Variants in HSF2 observed in about 807,000 individuals in gnomAD.
HSF2 encodes heat shock factor protein 2.
HSF2 carries 21 observed loss-of-function variants against 65.0 expected under a neutral mutation model. The observed-to-expected ratio is 0.32, with a 90% CI of 0.23 to 0.47. HSF2 has a LOEUF of 0.47. HSF2 is among the 20% of genes least tolerant of loss of function. The probability of loss-of-function intolerance (pLI) is 1.00; values close to 1 mark genes in which losing one functional copy is unlikely to be tolerated. For missense variants in HSF2, 499 were observed against 628.1 expected, an observed-to-expected ratio of 0.79 and a Z score of 2.20; for synonymous variants, 225 against 219.1, an observed-to-expected ratio of 1.03 and a Z score of -0.24.
At chr6:122,408,877 T>G (rs572261) in intron 1 of HSF2, among the ~76,000 whole-genome samples, 1 of 149,632 alleles carries the variant, frequency 6.7e-6, no homozygotes, top group Middle Eastern at 3.5e-3. Context: ...CATCAAATGT[T>G]GTCGGGTGAC....
At chr6:122,412,253 G>A in intron 1 of HSF2, 120 bp from the exon 2 acceptor site, 1 of 643,156 alleles carries the variant, frequency 1.6e-6, no homozygotes, top group Non-Finnish European at 2.8e-6. Context: ...TAGAATGTTG[G>A]TCTGAAGACA....
At chr6:122,407,862 T>G (rs1335095074) in intron 1 of HSF2, among the ~76,000 whole-genome samples, 1 of 152,060 alleles carries the variant, frequency 6.6e-6, no homozygotes, top group Admixed American at 6.6e-5. Context: ...GTTCTGGAGG[T>G]GGAGAAGTCC....
intron 6 of HSF2, 94 bp downstream of exon 6, chr6:122,419,323 C>T: frequency 1.7e-6 from 1 of 586,916 alleles, no homozygotes; most frequent in Non-Finnish European, 3.1e-6. Context: ...TGAGTATGTG[C>T]TTGTTGTCCA....
intron 7 of HSF2, among the ~76,000 whole-genome samples, chr6:122,421,144 T>C (rs557817035): frequency 1.2e-4 from 19 of 152,244 alleles, no homozygotes; most frequent in African/African-American, 4.6e-4. Flanking sequence ...ACTAGAATGC[T>C]TTTTACTCCA....
At chr6:122,412,953 A>C (rs1774035971) in intron 3 of HSF2, among the ~76,000 whole-genome samples, 189 bp downstream of exon 3, 1 of 151,920 alleles carries the variant, frequency 6.6e-6, no homozygotes, top group Admixed American at 6.6e-5. Context: ...AAAAAGTTTA[A>C]GTTCCTGCTA....
At chr6:122,407,022 G>T (rs915028273) in intron 1 of HSF2, among the ~76,000 whole-genome samples, 6 of 152,122 alleles carry the variant, frequency 3.9e-5, no homozygotes, top group African/African-American at 1.4e-4. Flanking sequence ...AAAGCCAGGA[G>T]ACTTAATGAA....
chr6:122,399,774 A>C lies in HSF2; in HGVS notation c.37A>C (p.Lys13Gln). The change falls in exon 1 of 13, where the codon AAG (lysine) becomes CAG (glutamine). Residue 13 changes from lysine (K) to glutamine (Q), a missense_variant. Physicochemically the swap from Lys to Gln is moderately conservative, Grantham distance 53 (BLOSUM62 1). Coordinates refer to ENST00000368455, the MANE Select transcript of HSF2 (RefSeq NM_004506.4). ...TTCGAACGTGCCGGCTTTCCTCAGC[A>C]AGCTGTGGACGCTTGTGGAGGAAAC... Reference protein sequence around the residue: ...QSSNVPAFLSKLWTLVEETHT... With the variant: ...QSSNVPAFLSQLWTLVEETHT... 6.2e-7 allele frequency: 1 copy of C among 1,612,592 alleles called. No homozygotes were observed. Among genetic ancestry groups the C allele is most frequent in the Non-Finnish European group, 8.5e-7 (1 of 1,179,414 alleles).
intron 12 of HSF2, among the ~76,000 whole-genome samples, 197 bp downstream of exon 12, chr6:122,431,711 T>G (rs977345744): frequency 1.3e-5 from 2 of 152,032 alleles, no homozygotes; most frequent in Non-Finnish European, 2.9e-5. Flanking sequence ...TATTTAACTT[T>G]AGGAAACTAA....
chr6:122,422,476 A>G (rs970437904), intron 8 of HSF2, among the ~76,000 whole-genome samples, 178 bp downstream of exon 8: 7 of 152,156 alleles, frequency 4.6e-5, no homozygotes, highest in Non-Finnish European at 7.4e-5. Context: ...TCTTCCTCTC[A>G]AAGGAGGTAT....
At position 122,416,277 on chromosome 6, in the gene HSF2, A is replaced by G; in HGVS notation, c.512A>G (p.Gln171Arg). 4 of 1,611,110 alleles carry G rather than the reference A, an allele frequency of 2.5e-6. No homozygotes were observed. Among genetic ancestry groups the G allele is most frequent in the Non-Finnish European group, 3.4e-6 (4 of 1,177,408 alleles). Reference protein sequence around the residue: ...VSELRAKHAQQQQVIRKIVQF... With the variant: ...VSELRAKHAQRQQVIRKIVQF... ...GAATTACGAGCAAAGCATGCACAACAGCAACAAGTTATTCGAAAGGTAAGA... is the reference window on the plus strand; with the variant it reads ...GAATTACGAGCAAAGCATGCACAACGGCAACAAGTTATTCGAAAGGTAAGA... The change falls in exon 5 of 13, where the codon CAG becomes CGG. Residue 171 changes from glutamine to arginine, a missense_variant. Around this residue, in one of 2 missense-constraint regions of HSF2, gnomAD observed 150 missense variants for 234.6 expected, o/e 0.64. Coordinates refer to ENST00000368455, the MANE Select transcript of HSF2 (RefSeq NM_004506.4).
intron 10 of HSF2, among the ~76,000 whole-genome samples, chr6:122,427,463 G>A (rs1209239679): frequency 6.6e-6 from 1 of 152,012 alleles, no homozygotes; most frequent in Non-Finnish European, 1.5e-5. Flanking sequence ...TAGTTTAGGA[G>A]CCACTGTCAT....
At chr6:122,423,792 C>A in intron 10 of HSF2, 106 bp downstream of exon 10, 1 of 522,010 alleles carries the variant, frequency 1.9e-6, no homozygotes, top group Non-Finnish European at 3.3e-6. Context: ...GTTGTTTTTG[C>A]ATTTCTTTTT....
intron 1 of HSF2, among the ~76,000 whole-genome samples, chr6:122,411,882 A>T (rs1192031730): frequency 6.6e-6 from 1 of 151,934 alleles, no homozygotes; most frequent in Non-Finnish European, 1.5e-5. Flanking sequence ...TTTTAATATT[A>T]ATTTAGTAAC....
intron 10 of HSF2, 86 bp from the exon 11 acceptor site, chr6:122,427,817 A>C (rs1774370438): frequency 1.1e-6 from 1 of 870,786 alleles, no homozygotes; most frequent in Non-Finnish European, 1.8e-6. Context: ...ACATCTCTTC[A>C]CCCAACATGG....
chr6:122,423,182 C>T (rs1026740730), intron 9 of HSF2, among the ~76,000 whole-genome samples: 2 of 152,020 alleles, frequency 1.3e-5, no homozygotes, highest in African/African-American at 4.8e-5. Context: ...GATATACTTC[C>T]TTTGAGTGTA....
chr6:122,405,609 G>A (rs1773852840), intron 1 of HSF2, among the ~76,000 whole-genome samples: 1 of 152,092 alleles, frequency 6.6e-6, no homozygotes, highest in African/African-American at 2.4e-5. Flanking sequence ...TGTTGCTCTG[G>A]TGGAACTTAC....
chr6:122,413,419 C>A, intron 3 of HSF2, 106 bp from the exon 4 acceptor site: 1 of 755,128 alleles, frequency 1.3e-6, no homozygotes, highest in South Asian at 2.0e-5. Flanking sequence ...GGAACCAGAT[C>A]TCACTTCCTG....
At chr6:122,409,740 T>C (rs913032206) in intron 1 of HSF2, among the ~76,000 whole-genome samples, 1 of 151,936 alleles carries the variant, frequency 6.6e-6, no homozygotes, top group Non-Finnish European at 1.5e-5. Context: ...AGGAAGAAAG[T>C]AGAGGAGAGT....
chr6:122,426,526 A>G (rs1774341816), intron 10 of HSF2, among the ~76,000 whole-genome samples: 1 of 152,060 alleles, frequency 6.6e-6, no homozygotes, highest in Non-Finnish European at 1.5e-5. Flanking sequence ...AGGCAGTGAT[A>G]AGCTAAACTG....
Sources: allele counts gnomAD v4.1 joint callset (sites outside exome capture counted in the v4.1 genomes callset), GRCh38; gene constraint gnomAD v4.1.1; regional missense constraint gnomAD v4.1.1; transcripts MANE v1.5; gene names NCBI Gene and HGNC (gene_info 2026-07-23, HGNC 2026-07-21).